Variants in COPG1 observed in about 807,000 individuals in gnomAD.
COPG1 encodes coat protein complex I subunit gamma 1, also known as coatomer subunit gamma-1.
In COPG1, 29 loss-of-function variants were observed where a neutral mutation model predicts 102.8. That is an observed-to-expected ratio of 0.28 (90% CI 0.21 to 0.38). The LOEUF is 0.38. COPG1 is among the 10% of genes least tolerant of loss of function. COPG1 has a pLI of 1.00. For synonymous variants in COPG1, 406 were observed against 421.6 expected (o/e 0.96, Z 0.45); for missense variants, 875 against 1,132.7 (o/e 0.77, Z 3.27).
rs4927910 is a variant in COPG1, at chr3:129,257,553, T to C, written c.663T>C (p.His221=). The C allele has an allele frequency of 0.13, 202,639 of 1,614,044 alleles. 20,078 individuals carry two copies. The highest frequency in any genetic ancestry group is 0.53 in the African/African-American group (39,996 of 74,942). ...VNKMISKVTR[H]GLKSPFAYCM... The stretch of plus-strand genomic sequence containing the variant: ...AGATGATCAGCAAGGTCACACGGCA[T>C]GGCCTTAAGTCTCCCTTTGCCTACT... The change falls in exon 9 of 24, where the codon CAT becomes CAC. Residue 221 remains histidine, a synonymous_variant. Coordinates refer to ENST00000314797, the MANE Select transcript of COPG1 (RefSeq NM_016128.4).
At position 129,275,057 on chromosome 3, in the gene COPG1, C is replaced by T. The variant is rs914408935; in HGVS notation, c.2395+81C>T. On this transcript the variant is annotated intron_variant, in intron 22 of 23. Transcript: ENST00000314797. This position sits in a 1 kb window ranked among gnomAD's most constrained non-coding sequence, Gnocchi z 5.0. Reference sequence around the variant, plus strand: ...CTATTGAAGTGCTCATCCCTTTTCTCTCCAAGGATCCAGGGCCATGTCTGG... The same window carrying T: ...CTATTGAAGTGCTCATCCCTTTTCTTTCCAAGGATCCAGGGCCATGTCTGG... The T allele has an allele frequency of 3.9e-6, 6 of 1,551,330 alleles. No homozygotes were observed. Among genetic ancestry groups the T allele is most frequent in the South Asian group, 1.1e-5 (1 of 87,538 alleles).
intron 16 of COPG1, 88 bp from the exon 17 acceptor site, chr3:129,268,407 T>C: frequency 7.0e-7 from 1 of 1,430,394 alleles, no homozygotes; most frequent in South Asian, 1.3e-5. Flanking sequence ...TTAGGACTTG[T>C]AACTTCGGGA....
intron 10 of COPG1, among the ~76,000 whole-genome samples, chr3:129,259,562 A>G (rs1045918268): frequency 1.2e-4 from 18 of 152,180 alleles, no homozygotes; most frequent in African/African-American, 4.3e-4. Flanking sequence ...TTTCCAGAAT[A>G]ATGAAAGATG....
At chr3:129,265,450 C>T (rs1419111954) in intron 13 of COPG1, 99 bp from the exon 14 acceptor site, 4 of 1,468,968 alleles carry the variant, frequency 2.7e-6, no homozygotes, top group South Asian at 1.3e-5. Flanking sequence ...GCCCTGTCTC[C>T]AAGTTCTGTG....
intron 10 of COPG1, among the ~76,000 whole-genome samples, chr3:129,258,928 A>T (rs1939867288): frequency 6.6e-6 from 1 of 152,186 alleles, no homozygotes; most frequent in Non-Finnish European, 1.5e-5. Flanking sequence ...GAGGCTAGAA[A>T]AGGAGAGGTG....
intron 3 of COPG1, 40 bp downstream of exon 3, chr3:129,252,401 G>T: frequency 7.2e-7 from 1 of 1,380,332 alleles, no homozygotes; most frequent in South Asian, 1.2e-5. Context: ...AATGGTGCTG[G>T]GGGATTGGAG....
At chr3:129,269,171 C>G (rs561003402) in intron 18 of COPG1, among the ~76,000 whole-genome samples, 171 bp downstream of exon 18, 1 of 152,202 alleles carries the variant, frequency 6.6e-6, no homozygotes, top group African/African-American at 2.4e-5. Flanking sequence ...CCTTCAATAT[C>G]TGAGGAATTG....
chr3:129,277,567 C>T lies in COPG1; in HGVS notation c.*143C>T, dbSNP rs1940301710. The stretch of plus-strand genomic sequence containing the variant: ...TCATTGCAGATTTTTTTTTATTCTG[C>T]TCCCACCTCCCACCCGGGACTACTT... On this transcript the variant is annotated 3_prime_UTR_variant, in exon 24 of 24. Transcript: ENST00000314797. 9.2e-6 allele frequency: 7 copies of T among 764,170 alleles called. No homozygotes were observed. The South Asian group carries it at 1.2e-4, about 13-fold the overall frequency. The allele number at this position is 764,170 out of a possible 1,614,324, so 47.3% of individuals were successfully genotyped here. A position where few individuals can be genotyped will look rare whatever the true frequency, so the allele number is the denominator to read the frequency against.
chr3:129,274,905 C>T lies in COPG1; in HGVS notation c.2324C>T (p.Ala775Val). ...GTCATGAAACTGAACTTCGAAGCAG[C>T]CTGGGATGAGGTAGGGGATGAATTT... ...QKVMKLNFEA[A>V]WDEVGDEFEK... Residue 775 changes from alanine to valine, a missense_variant, in exon 22 of 24, where the codon GCC (alanine) becomes GTC (valine). By Grantham distance (64) the Ala-to-Val change is moderately conservative (BLOSUM62 0). Coordinates refer to ENST00000314797, the MANE Select transcript of COPG1 (RefSeq NM_016128.4). 1 of 1,614,112 alleles carries T rather than the reference C, an allele frequency of 6.2e-7. No homozygotes were observed. The highest frequency in any genetic ancestry group is 1.6e-4 in the Middle Eastern group (1 of 6,062).
Position 129,260,821 on chromosome 3 carries a change from C to T in COPG1, c.1128+14C>T, listed in dbSNP as rs368262735. On this transcript the variant is annotated intron_variant, in intron 12 of 23. Transcript: ENST00000314797. ...GATGAATTCAAGGTACCTGCTACCC[C>T]CAGGACACCCACGGCCCCCAGAGGA... 3 of 1,610,794 alleles carry T rather than the reference C, an allele frequency of 1.9e-6. No individual in the cohort carries two copies. The highest frequency in any genetic ancestry group is 3.3e-5 in the Admixed American group (2 of 59,956).
Position 129,275,522 on chromosome 3 carries a change from A to T in COPG1, c.2494+230A>T, listed in dbSNP as rs1291366000. On this transcript the variant is annotated intron_variant, in intron 23 of 23. Transcript: ENST00000314797. The surrounding 1 kb of genome is among the most constrained non-coding windows in gnomAD (Gnocchi z 5.0). Reference sequence around the variant, plus strand: ...TGTTACTATTACAAACAATACTTGTATAACCTTGCGGTTATTTTATGGCTA... The same window carrying T: ...TGTTACTATTACAAACAATACTTGTTTAACCTTGCGGTTATTTTATGGCTA... 6.6e-6 allele frequency among the ~76,000 whole-genome samples: 1 copy of T among 152,236 alleles called. No homozygotes were observed. Among genetic ancestry groups the T allele is most frequent in the Non-Finnish European group, 1.5e-5 (1 of 68,044 alleles).
intron 4 of COPG1, 47 bp downstream of exon 4, chr3:129,252,741 A>C (rs889628705): frequency 2.5e-6 from 4 of 1,579,292 alleles, no homozygotes; most frequent in East Asian, 2.2e-5. Flanking sequence ...AGCTGTAACA[A>C]GGTGGTGGGA....
chr3:129,263,701 G>A (rs910180592), intron 12 of COPG1, among the ~76,000 whole-genome samples: 1 of 152,014 alleles, frequency 6.6e-6, no homozygotes, highest in Non-Finnish European at 1.5e-5. Flanking sequence ...CTGACACTGG[G>A]GCTGTTGGCA....
rs773333041 is a variant in COPG1 at position 129,265,720 on chromosome 3, A to G, written c.1396A>G (p.Thr466Ala). Residue 466 changes from threonine (T) to alanine (A), a missense_variant, in exon 14 of 24, where the codon ACC (threonine) becomes GCC (alanine). Transcript: ENST00000314797. ...LHLLGQEGPK[T>A]TNPSKYIRFI... ...TCTCCTGGGCCAGGAGGGGCCCAAG[A>G]CCACCAATCCCTCAAAGTACATCCG... 1 of 1,614,164 alleles carries G rather than the reference A, an allele frequency of 6.2e-7. No homozygotes were observed. The highest frequency in any genetic ancestry group is 2.2e-5 in the East Asian group (1 of 44,880).
Position 129,265,721 on chromosome 3 carries a change from C to T in COPG1, c.1397C>T (p.Thr466Ile), listed in dbSNP as rs1330484982. ...CTCCTGGGCCAGGAGGGGCCCAAGA[C>T]CACCAATCCCTCAAAGTACATCCGC... ...LHLLGQEGPK[T>I]TNPSKYIRFI... The change falls in exon 14 of 24, where the codon ACC becomes ATC. Residue 466 changes from threonine to isoleucine, a missense_variant. Coordinates refer to ENST00000314797, the MANE Select transcript of COPG1 (RefSeq NM_016128.4). 1 of 1,614,136 alleles carries T rather than the reference C, an allele frequency of 6.2e-7. No individual in the cohort carries two copies. The highest frequency in any genetic ancestry group is 1.3e-5 in the African/African-American group (1 of 75,028).
chr3:129,265,903 C>A, intron 14 of COPG1, 111 bp downstream of exon 14: 1 of 1,075,616 alleles, frequency 9.3e-7, no homozygotes, highest in Non-Finnish European at 1.3e-6. Flanking sequence ...GTTCTTGCTG[C>A]ACAAGCTGTT....
intron 13 of COPG1, 128 bp downstream of exon 13, chr3:129,264,127 C>T (rs1243590590): frequency 2.7e-6 from 2 of 753,638 alleles, no homozygotes; most frequent in African/African-American, 3.5e-5. Context: ...TTCATGGTGC[C>T]TGCAACCCTT....
chr3:129,277,475 T>C lies in COPG1; in HGVS notation c.*51T>C. On this transcript the variant is annotated 3_prime_UTR_variant, in exon 24 of 24. Transcript: ENST00000314797. ...ACCCTTCCCCAACACTACCTGGAAG[T>C]TGTGCCTTCCTCATGAAACTGGCAG... is the stretch of plus-strand genomic sequence containing the variant. The C allele has an allele frequency of 6.3e-7, 1 of 1,587,924 alleles. No homozygotes were observed. The highest frequency in any genetic ancestry group is 2.2e-5 in the East Asian group (1 of 44,492).
At chr3:129,258,189 T>C (rs1306022589) in intron 10 of COPG1, among the ~76,000 whole-genome samples, 2 of 152,270 alleles carry the variant, frequency 1.3e-5, no homozygotes, top group East Asian at 3.9e-4. Context: ...GGGCTGCACT[T>C]TTCCAGGTGA....
Sources: allele counts gnomAD v4.1 joint callset (sites outside exome capture counted in the v4.1 genomes callset), GRCh38; gene constraint gnomAD v4.1.1; non-coding constraint Gnocchi (gnomAD v3.1); transcripts MANE v1.5; gene names NCBI Gene and HGNC (gene_info 2026-07-23, HGNC 2026-07-21).